Variants in ANKS1B observed in about 807,000 individuals in gnomAD.
The protein encoded by ANKS1B is ankyrin repeat and sterile alpha motif domain-containing protein 1B.
In ANKS1B, 36 loss-of-function variants were observed where a neutral mutation model predicts 148.3. That is an observed-to-expected ratio of 0.24 (90% CI 0.19 to 0.32). ANKS1B has a LOEUF of 0.32. ANKS1B is among the 10% of genes least tolerant of loss of function. The probability of loss-of-function intolerance (pLI) is 1.00; values close to 1 mark genes in which losing one functional copy is unlikely to be tolerated. For missense variants in ANKS1B, 1,157 were observed against 1,542.6 expected (o/e 0.75, Z 4.19); for synonymous variants, 542 against 560.8 (o/e 0.97, Z 0.47).
At chr12:98,876,945 TCA>T (rs2099692501) in intron 17 of ANKS1B, among the ~76,000 whole-genome samples, 1 of 152,226 alleles carries the variant, frequency 6.6e-6, no homozygotes. Context: ...AAATCTATTT[TCA>T]CTGTGAGTTT....
chr12:99,690,261 C>T (rs1162576400), intron 8 of ANKS1B, among the ~76,000 whole-genome samples: 1 of 152,134 alleles, frequency 6.6e-6, no homozygotes, highest in Non-Finnish European at 1.5e-5. Flanking sequence ...AAGGTGAGAT[C>T]TGGATGGGGA....
At chr12:99,654,443 T>C (rs1472629856) in intron 9 of ANKS1B, among the ~76,000 whole-genome samples, 2 of 152,210 alleles carry the variant, frequency 1.3e-5, no homozygotes, top group Admixed American at 1.3e-4. Context: ...TGGCTTCAAA[T>C]TTCCTATCTC....
intron 8 of ANKS1B, among the ~76,000 whole-genome samples, chr12:99,716,430 G>A (rs2057343546): frequency 1.3e-5 from 2 of 151,602 alleles, no homozygotes; most frequent in Non-Finnish European, 2.9e-5. Context: ...CCTTCACTAT[G>A]GGCAACCTTC....
At chr12:99,731,267 C>T (rs1469505633) in intron 8 of ANKS1B, among the ~76,000 whole-genome samples, 3 of 152,112 alleles carry the variant, frequency 2.0e-5, no homozygotes, top group Non-Finnish European at 4.4e-5. Flanking sequence ...TAGAAGCGCA[C>T]GCCACCACAC....
At chr12:99,959,123 C>T (rs990065807) in intron 1 of ANKS1B, among the ~76,000 whole-genome samples, 5 of 146,886 alleles carry the variant, frequency 3.4e-5, no homozygotes, top group African/African-American at 1.0e-4. Flanking sequence ...TGGCATGGCG[C>T]GATCTTGGCT....
intron 12 of ANKS1B, among the ~76,000 whole-genome samples, chr12:99,365,056 G>A (rs892746525): frequency 9.9e-5 from 15 of 152,164 alleles, no homozygotes; most frequent in African/African-American, 2.9e-4. Flanking sequence ...GAGTCTTACC[G>A]GAAAACAGAA....
chr12:99,882,855 A>G (rs2092609490), intron 1 of ANKS1B, among the ~76,000 whole-genome samples: 1 of 152,192 alleles, frequency 6.6e-6, no homozygotes, highest in Non-Finnish European at 1.5e-5. Context: ...AAGAAAGTGC[A>G]CTCATTTTTA....
At chr12:99,193,783 A>G (rs1202082043) in intron 14 of ANKS1B, among the ~76,000 whole-genome samples, 1 of 81,352 alleles carries the variant, frequency 1.2e-5, no homozygotes, top group Non-Finnish European at 2.8e-5. Context: ...TTTTCCATGT[A>G]TTTCTAGTTC....
chr12:98,943,351 T>C (rs1365357536), intron 17 of ANKS1B, among the ~76,000 whole-genome samples: 4 of 152,244 alleles, frequency 2.6e-5, no homozygotes, highest in African/African-American at 9.6e-5. Context: ...ATTAACTTTC[T>C]ATGGCCTTTA....
At chr12:99,335,041 G>A (rs561533256) in intron 12 of ANKS1B, among the ~76,000 whole-genome samples, 4 of 152,092 alleles carry the variant, frequency 2.6e-5, no homozygotes, top group South Asian at 2.1e-4. Flanking sequence ...GAGTCCTCGC[G>A]ATGGTCTTGC....
At chr12:98,882,754 CA>C (rs5800370) in intron 17 of ANKS1B, among the ~76,000 whole-genome samples, 2,644 of 121,182 alleles carry the variant, frequency 0.022, 37 homozygotes, top group African/African-American at 0.062. Context: ...TGCCATACTG[CA>C]AAAAAAAAAA....
chr12:99,921,088 T>C (rs1436297655), intron 1 of ANKS1B, among the ~76,000 whole-genome samples: 4 of 152,156 alleles, frequency 2.6e-5, no homozygotes, highest in Non-Finnish European at 4.4e-5. Context: ...GTGGAAAAAC[T>C]GACCAGGTGA....
intron 11 of ANKS1B, among the ~76,000 whole-genome samples, chr12:99,421,966 C>T (rs900164928): frequency 6.6e-6 from 1 of 152,156 alleles, no homozygotes; most frequent in African/African-American, 2.4e-5. Context: ...ATGTGATGTG[C>T]CTGCTTGCAC....
intron 17 of ANKS1B, among the ~76,000 whole-genome samples, chr12:98,929,250 CTAAAA>C (rs2099811695): frequency 6.6e-6 from 1 of 151,926 alleles, no homozygotes; most frequent in African/African-American, 2.4e-5. Flanking sequence ...ACACTGAAAA[CTAAAA>C]TATCATTGCA....
chr12:98,989,051 T>C (rs1318113005), intron 17 of ANKS1B, among the ~76,000 whole-genome samples: 2 of 152,348 alleles, frequency 1.3e-5, no homozygotes, highest in African/African-American at 4.8e-5. Flanking sequence ...TTTCTCACAC[T>C]CTGTAGGTTG....
At chr12:99,409,723 G>C (rs1286190448) in intron 11 of ANKS1B, among the ~76,000 whole-genome samples, 1 of 152,064 alleles carries the variant, frequency 6.6e-6, no homozygotes, top group African/African-American at 2.4e-5. Context: ...AAAGAATAAA[G>C]AGATGGTCAT....
chr12:98,882,577 TTCTC>T (rs1236686308), intron 17 of ANKS1B, among the ~76,000 whole-genome samples: 2 of 152,162 alleles, frequency 1.3e-5, no homozygotes, highest in African/African-American at 2.4e-5. Flanking sequence ...ACTGTGTACT[TTCTC>T]AAGAATGCAC....
At chr12:98,971,219 C>T (rs139167334) in intron 17 of ANKS1B, among the ~76,000 whole-genome samples, 5 of 152,298 alleles carry the variant, frequency 3.3e-5, no homozygotes, top group Non-Finnish European at 7.3e-5. Context: ...TCAACTTGAA[C>T]CCAAATTTTT....
chr12:99,883,733 T>C lies in ANKS1B; in HGVS notation c.135-58344A>G, dbSNP rs1008038148. On this transcript the variant is annotated intron_variant, in intron 1 of 26. Coordinates refer to ENST00000683438, the MANE Select transcript of ANKS1B (RefSeq NM_001352186.2). ...GAGTTCAAGACCAGCCTGGCCAACATGGTGAAACCTCGTCTCTATTAAAAC... is the reference window on the plus strand; with the variant it reads ...GAGTTCAAGACCAGCCTGGCCAACACGGTGAAACCTCGTCTCTATTAAAAC... Among the ~76,000 whole-genome samples, 22 of 152,062 alleles carry C rather than the reference T, an allele frequency of 1.4e-4. No individual in the cohort carries two copies. In the East Asian group the frequency reaches 4.3e-3, roughly 29 times the overall value.
Sources: gnomAD v4.1 joint callset for allele counts (sites outside exome capture counted in the v4.1 genomes callset) on GRCh38, gnomAD v4.1.1 for gene constraint, MANE v1.5 for transcripts, NCBI Gene and HGNC (gene_info 2026-07-23, HGNC 2026-07-21) for gene names.